IRF1: variants seen among roughly 807,000 people sequenced by gnomAD.
IRF1 encodes the protein interferon regulatory factor-1.
Under a neutral mutation model 43.7 loss-of-function variants are expected in IRF1, and 13 were observed. The ratio of observed to expected loss-of-function variants is 0.30; its 90% CI spans 0.19 to 0.47. The LOEUF (loss-of-function observed/expected upper bound fraction) is 0.47, where lower values mean the gene tolerates loss of function less well. IRF1 is among the 20% of genes least tolerant of loss of function. IRF1 has a pLI of 0.99. For missense variants in IRF1, 236 were observed against 408.9 expected (o/e 0.58, Z 3.65); for synonymous variants, 138 against 146.8 (o/e 0.94, Z 0.43).
intron 1 of IRF1, chr5:132,489,735 T>G: frequency 2.3e-6 from 1 of 428,488 alleles, no homozygotes; most frequent in Non-Finnish European, 4.4e-6. Context: ...GGCATGCAAG[T>G]GATGGCTTCA....
At chr5:132,487,716 T>C in intron 3 of IRF1, 2 of 575,240 alleles carry the variant, frequency 3.5e-6, no homozygotes, top group Non-Finnish European at 6.2e-6. Context: ...CCACACACTT[T>C]CTAAGATCTT....
At position 132,486,780 on chromosome 5, in the gene IRF1, T is replaced by G; in HGVS notation, c.414+15A>C. On this transcript the variant is annotated intron_variant, in intron 5 of 9. Coordinates refer to ENST00000245414, the MANE Select transcript of IRF1 (RefSeq NM_002198.3). ...ACAGGTGACCAAAGGCCTGGCTGCT[T>G]AGGACCACACTCACCTTCCTCTTGG... is the stretch of plus-strand genomic sequence containing the variant. 2 of 1,614,180 alleles carry G rather than the reference T, an allele frequency of 1.2e-6. No individual in the cohort carries two copies. The highest frequency in any genetic ancestry group is 1.7e-6 in the Non-Finnish European group (2 of 1,180,028).
chr5:132,484,117 G>T, intron 9 of IRF1, 42 bp from the exon 10 acceptor site: 1 of 1,606,944 alleles, frequency 6.2e-7, no homozygotes, highest in South Asian at 1.1e-5. Context: ...AGGGGACGGT[G>T]GCATCAGGTG....
intron 7 of IRF1, 54 bp from the exon 8 acceptor site, chr5:132,485,770 C>T (rs1470574878): frequency 7.3e-7 from 1 of 1,360,544 alleles, no homozygotes; most frequent in South Asian, 1.2e-5. Flanking sequence ...ACTCACCCTG[C>T]AGTTCCAGTT....
chr5:132,488,741 C>T (rs369999622), intron 2 of IRF1: 127 of 153,274 alleles, frequency 8.3e-4, no homozygotes, highest in Non-Finnish European at 1.6e-3. Context: ...TTATGATCTA[C>T]CTCTCAGTGC....
At chr5:132,489,649 A>G (rs746136853) in intron 1 of IRF1, 166 bp from the exon 2 acceptor site, 70 of 561,026 alleles carry the variant, frequency 1.2e-4, no homozygotes, top group Admixed American at 4.3e-4. Flanking sequence ...CTGCTCTCCA[A>G]ATTTTTTCAG....
chr5:132,486,347 T>G lies in IRF1; in HGVS notation c.571A>C (p.Thr191Pro). The change falls in exon 7 of 10, where the codon ACT becomes CCT. Residue 191 changes from threonine to proline, a missense_variant. Thr to Pro is a conservative substitution (Grantham distance 38, BLOSUM62 -1). This residue lies in a region of IRF1 where 170 missense variants were observed against 251.8 expected (regional missense o/e 0.68). Transcript: ENST00000245414. ...ACTGGGATGTGCCAGTCGGGGAGAG[T>G]GCTGCTGACAGCACATGGCGACAGT... ...PALSPCAVSS[T>P]LPDWHIPVEV... 2 of 1,612,454 alleles carry G rather than the reference T, an allele frequency of 1.2e-6. No homozygotes were observed. The highest frequency in any genetic ancestry group is 2.2e-5 in the East Asian group (1 of 44,866).
intron 3 of IRF1, chr5:132,487,649 C>A (rs1561605052): frequency 2.0e-6 from 1 of 495,794 alleles, no homozygotes; most frequent in Non-Finnish European, 3.7e-6. Flanking sequence ...CTTACAGCTG[C>A]TTTTCACAGA....
Position 132,484,383 on chromosome 5 carries a change from G to A in IRF1, c.832C>T (p.Pro278Ser). ...VYGDFSCKEE[P>S]EIDSPGGDIG... ...TTACCCCCTGGGCTGTCAATTTCTGGCTCCTCCTTACAGCTAAAGTCTCCA... is the reference window on the plus strand; with the variant it reads ...TTACCCCCTGGGCTGTCAATTTCTGACTCCTCCTTACAGCTAAAGTCTCCA... Residue 278 changes from proline (P) to serine (S), a missense_variant, in exon 9 of 10, where the codon CCA becomes TCA. By Grantham distance (74) the Pro-to-Ser change is moderately conservative. This residue lies in a region of IRF1 where 170 missense variants were observed against 251.8 expected (regional missense o/e 0.68). Transcript: ENST00000245414. The A allele has an allele frequency of 6.2e-7, 1 of 1,614,040 alleles. No homozygotes were observed. Among genetic ancestry groups the A allele is most frequent in the South Asian group, 1.1e-5 (1 of 91,070 alleles).
Position 132,490,376 on chromosome 5 carries a change from G to A in IRF1, c.-6+169C>T, listed in dbSNP as rs1754684627. 6.7e-6 allele frequency: 1 copy of A among 149,582 alleles called. No individual in the cohort carries two copies. The highest frequency in any genetic ancestry group is 1.5e-5 in the Non-Finnish European group (1 of 67,200). The allele number at this position is 149,582 out of a possible 1,614,324, so 9.3% of individuals were successfully genotyped here. A position where few individuals can be genotyped will look rare whatever the true frequency, so the allele number is the denominator to read the frequency against. On this transcript the variant is annotated intron_variant, in intron 1 of 9. Coordinates refer to ENST00000245414, the MANE Select transcript of IRF1 (RefSeq NM_002198.3). The surrounding 1 kb of genome is among the most constrained non-coding windows in gnomAD (Gnocchi z 5.8). ...CGCGTCCCGCCCTCCCCGCGCCGCG[G>A]CCCGCGGCTCGCAGCTCCTCCGGCG...
intron 6 of IRF1, 65 bp from the exon 7 acceptor site, chr5:132,486,438 C>T (rs779959462): frequency 6.2e-7 from 1 of 1,609,632 alleles, no homozygotes; most frequent in South Asian, 1.1e-5. Flanking sequence ...ACATCGAGCG[C>T]CCTCCGACCA....
Position 132,489,584 on chromosome 5 carries a change from C to G in IRF1, c.-5-101G>C, listed in dbSNP as rs1754645507. On this transcript the variant is annotated intron_variant, in intron 1 of 9. Coordinates refer to ENST00000245414, the MANE Select transcript of IRF1 (RefSeq NM_002198.3). ...TCACTTAGTTACCCTCCCCTCACCTCAGCCAGCTGCTAGGTACTACACTCA... is the reference window on the plus strand; with the variant it reads ...TCACTTAGTTACCCTCCCCTCACCTGAGCCAGCTGCTAGGTACTACACTCA... 45 of 829,120 alleles carry G rather than the reference C, an allele frequency of 5.4e-5. 1 individual carries two copies. In the South Asian group the frequency reaches 6.3e-4, roughly 12 times the overall value. 51.4% of individuals were successfully genotyped at this position (829,120 alleles called of 1,614,324 possible).
Position 132,481,791 on chromosome 5 carries a change from G to GT in IRF1, c.*2159dup, listed in dbSNP as rs143959139. On this transcript the variant is annotated 3_prime_UTR_variant, in exon 10 of 10. Transcript: ENST00000245414. ...GCAAGTGCTACCCAGCACAGCAGCC[G>GT]TGAGGACCTTTCTTGGGCTGCTGAC... The GT allele has an allele frequency of 6.6e-6, 1 of 152,458 alleles. No homozygotes were observed. Among genetic ancestry groups the GT allele is most frequent in the East Asian group, 1.9e-4 (1 of 5,290 alleles). 9.4% of individuals were successfully genotyped at this position (152,458 alleles called of 1,614,324 possible). A position where few individuals can be genotyped will look rare whatever the true frequency, so the allele number is the denominator to read the frequency against.
intron 7 of IRF1, 141 bp from the exon 8 acceptor site, chr5:132,485,857 G>A (rs1416696048): frequency 2.2e-5 from 13 of 601,378 alleles, no homozygotes; most frequent in South Asian, 3.5e-5. Context: ...ACACCCTCCC[G>A]GTGGACCTAT....
chr5:132,488,124 G>T, intron 2 of IRF1, 99 bp from the exon 3 acceptor site: 2 of 884,932 alleles, frequency 2.3e-6, no homozygotes, highest in South Asian at 1.4e-5. Context: ...AGACAGGTCT[G>T]AGAAAAGGCT....
Position 132,490,674 on chromosome 5 carries a change from C to T in IRF1, c.-135G>A, listed in dbSNP as rs1395200383. On this transcript the variant is annotated 5_prime_UTR_variant, in exon 1 of 10. Transcript: ENST00000245414. The surrounding 1 kb of genome is among the most constrained non-coding windows in gnomAD (Gnocchi z 5.8). ...GCAGAGGTTGCCGGGTTCTTAAGGC[C>T]GCCGGGCACGGCCGGCGTGGACTGG... 3 of 152,228 alleles carry T rather than the reference C, an allele frequency of 2.0e-5. No individual in the cohort carries two copies. Among genetic ancestry groups the T allele is most frequent in the African/African-American group, 7.2e-5 (3 of 41,456 alleles). 9.4% of individuals were successfully genotyped at this position (152,228 alleles called of 1,614,324 possible).
In IRF1 at chr5:132,484,270, C is replaced by T. The variant is rs149828553; in HGVS notation, c.853+92G>A. The T allele has an allele frequency of 1.6e-4, 241 of 1,549,698 alleles. No homozygotes were observed. The East Asian group carries it at 1.8e-3, about 12-fold the overall frequency. ...TGTGTCAGTACCCCAGATGCTTTAC[C>T]GCCCTGCTCCCTGGCCCTGCCCCCA... is the stretch of plus-strand genomic sequence containing the variant. On this transcript the variant is annotated intron_variant, in intron 9 of 9. Transcript: ENST00000245414.
At chr5:132,487,416 T>C in intron 3 of IRF1, 2 of 448,360 alleles carry the variant, frequency 4.5e-6, no homozygotes, top group South Asian at 4.8e-5. Flanking sequence ...TGTCTCAGAC[T>C]ATGCCCAGTC....
At chr5:132,487,690 C>T in intron 3 of IRF1, 1 of 542,538 alleles carries the variant, frequency 1.8e-6, no homozygotes, top group Non-Finnish European at 3.3e-6. Flanking sequence ...TTCATCTAGC[C>T]ACAAACCCCC....
Sources: gnomAD v4.1 joint callset for allele counts on GRCh38, gnomAD v4.1.1 for gene constraint, gnomAD v4.1.1 regional missense constraint, Gnocchi (gnomAD v3.1) non-coding constraint, MANE v1.5 for transcripts, NCBI Gene and HGNC (gene_info 2026-07-23, HGNC 2026-07-21) for gene names.